The following ASIC2 variants were observed in gnomAD, a reference collection of about 807,000 sequenced individuals.
ASIC2 encodes the protein acid-sensing ion channel 2.
ASIC2 carries 25 observed loss-of-function variants against 57.3 expected under a neutral mutation model. The ratio of observed to expected loss-of-function variants is 0.44; its 90% confidence interval spans 0.32 to 0.61. The LOEUF is 0.61. Ranked by LOEUF, ASIC2 falls within the 20% of genes least tolerant of loss-of-function variation. The probability of loss-of-function intolerance (pLI) is 0.06; values close to 1 mark genes in which losing one functional copy is unlikely to be tolerated. For missense variants in ASIC2, 641 were observed against 738.1 expected (o/e 0.87, Z 1.52); for synonymous variants, 319 against 307.5 (o/e 1.04, Z -0.39).
chr17:33,081,497 G>A (rs12603906), intron 3 of ASIC2, among the ~76,000 whole-genome samples: 34,601 of 151,906 alleles, frequency 0.23, 4,363 homozygotes, highest in South Asian at 0.38. Context: ...CCATATTTAT[G>A]CGGCTCCATC....
chr17:33,714,481 G>GA (rs1017498385), intron 1 of ASIC2, among the ~76,000 whole-genome samples: 1 of 152,160 alleles, frequency 6.6e-6, no homozygotes, highest in Admixed American at 6.5e-5. Flanking sequence ...CATGCTGAGT[G>GA]AAAAAAAGCA....
intron 3 of ASIC2, among the ~76,000 whole-genome samples, chr17:33,073,700 A>G (rs995183537): frequency 3.3e-5 from 5 of 152,218 alleles, no homozygotes; most frequent in Admixed American, 3.3e-4. Flanking sequence ...TCATGGCAGG[A>G]GAAGATGTTT....
rs1299333860 is a variant in ASIC2, at chr17:33,157,260, T to C, written c.709-45193A>G. 2.6e-5 allele frequency among the ~76,000 whole-genome samples: 4 copies of C among 152,322 alleles called. No individual in the cohort carries two copies. In the East Asian group the frequency reaches 5.8e-4, roughly 22 times the overall value. ...CTGACAAAATGAAGGCCAAGAATGATGTCATAAAGGAAATGATGCTAAGTT... is the reference window on the plus strand; with the variant it reads ...CTGACAAAATGAAGGCCAAGAATGACGTCATAAAGGAAATGATGCTAAGTT... On this transcript the variant is annotated intron_variant, in intron 1 of 9. Transcript: ENST00000225823.
intron 1 of ASIC2, among the ~76,000 whole-genome samples, chr17:33,752,204 A>G (rs183901832): frequency 1.3e-5 from 2 of 152,200 alleles, no homozygotes; most frequent in African/African-American, 4.8e-5. Flanking sequence ...CGGCCCTTTC[A>G]AACAGAAATT....
At chr17:34,058,736 G>C (rs1394790235) in intron 1 of ASIC2, among the ~76,000 whole-genome samples, 1 of 152,174 alleles carries the variant, frequency 6.6e-6, no homozygotes, top group Non-Finnish European at 1.5e-5. Flanking sequence ...ACTTAAGATA[G>C]GAGGGGAGGG....
intron 1 of ASIC2, among the ~76,000 whole-genome samples, chr17:33,814,463 A>G (rs1401945418): frequency 6.6e-6 from 1 of 152,208 alleles, no homozygotes; most frequent in Non-Finnish European, 1.5e-5. Context: ...ATGCACCATT[A>G]CAAGCAGCCT....
intron 1 of ASIC2, among the ~76,000 whole-genome samples, chr17:33,706,365 A>T (rs557327686): frequency 3.5e-4 from 53 of 151,814 alleles, no homozygotes; most frequent in African/African-American, 1.3e-3. Flanking sequence ...GACTGCAGGT[A>T]TGTGCCACCA....
chr17:34,015,730 A>C (rs1906926223), intron 1 of ASIC2, among the ~76,000 whole-genome samples: 1 of 152,268 alleles, frequency 6.6e-6, no homozygotes, highest in African/African-American at 2.4e-5. Flanking sequence ...TTTTCTTAGC[A>C]TGTTTTAGGT....
intron 2 of ASIC2, among the ~76,000 whole-genome samples, chr17:33,108,190 G>A (rs545417684): frequency 9.2e-5 from 14 of 152,286 alleles, no homozygotes; most frequent in African/African-American, 3.4e-4. Flanking sequence ...GCTGGGATGG[G>A]GTCTTGGGTC....
rs539812609 is a variant in ASIC2 at position 33,414,335 on chromosome 17, C to T, written c.556-302268G>A. Among the ~76,000 whole-genome samples, 97 of 152,066 alleles carry T rather than the reference C, an allele frequency of 6.4e-4. No individual in the cohort carries two copies. In the Middle Eastern group the frequency reaches 0.017, roughly 27 times the overall value. On this transcript the variant is annotated intron_variant, in intron 1 of 9. Coordinates refer to the ASIC2 transcript ENST00000359872. ...AGTAGGTAGAAAAGAGAGGATGCAG[C>T]GATGGTCTGGGTGTGGTGGAACGAG... is the stretch of plus-strand genomic sequence containing the variant.
rs150924560 is a variant in ASIC2, at chr17:33,595,944, C to G, written c.556-483877G>C. ...TTCTGTTGCAAGCTAAATAGTTCCT[C>G]CCCCTCAGTAGAGTCTATGCTGTTT... is the stretch of plus-strand genomic sequence containing the variant. On this transcript the variant is annotated intron_variant, in intron 1 of 9. Transcript: ENST00000359872. 2.2e-4 allele frequency among the ~76,000 whole-genome samples: 34 copies of G among 152,288 alleles called. 1 individual carries two copies. In the East Asian group the frequency reaches 6.2e-3, roughly 28 times the overall value.
chr17:33,704,927 C>T (rs575053389), intron 1 of ASIC2, among the ~76,000 whole-genome samples: 90 of 152,290 alleles, frequency 5.9e-4, no homozygotes, highest in Non-Finnish European at 1.1e-3. Flanking sequence ...TAAAAGCACT[C>T]TTTGGTTTTG....
chr17:33,882,538 A>T (rs2141940927), intron 1 of ASIC2, among the ~76,000 whole-genome samples: 2 of 152,360 alleles, frequency 1.3e-5, no homozygotes, highest in South Asian at 4.1e-4. Flanking sequence ...CATCAGAGAA[A>T]TGCAAATCAA....
intron 1 of ASIC2, among the ~76,000 whole-genome samples, chr17:33,569,859 A>T (rs918976142): frequency 1.3e-5 from 2 of 152,230 alleles, no homozygotes; most frequent in African/African-American, 4.8e-5. Context: ...TGTTAGAAGC[A>T]AAGTTGCCTG....
intron 1 of ASIC2, among the ~76,000 whole-genome samples, chr17:33,435,704 C>A (rs1210933182): frequency 6.6e-6 from 1 of 152,128 alleles, no homozygotes; most frequent in Non-Finnish European, 1.5e-5. Context: ...AAAAAACAAA[C>A]CAGACTGAAT....
intron 1 of ASIC2, among the ~76,000 whole-genome samples, chr17:33,455,548 T>C (rs1912420079): frequency 6.6e-6 from 1 of 152,252 alleles, no homozygotes; most frequent in East Asian, 1.9e-4. Context: ...CTGCATAATA[T>C]TCCATGGTGA....
At chr17:34,034,114 A>G (rs1907753841) in intron 1 of ASIC2, among the ~76,000 whole-genome samples, 4 of 152,244 alleles carry the variant, frequency 2.6e-5, no homozygotes, top group African/African-American at 9.6e-5. Context: ...AATTCTCAAT[A>G]AAATACTGGC....
chr17:33,021,120 G>T (rs1016832157), intron 7 of ASIC2, 99 bp downstream of exon 7: 85 of 820,260 alleles, frequency 1.0e-4, no homozygotes, highest in Non-Finnish European at 1.5e-4. Context: ...CTCCTCCGAG[G>T]CTATGTGTCT....
chr17:33,189,437 G>A (rs771993449), intron 1 of ASIC2, among the ~76,000 whole-genome samples: 17 of 152,098 alleles, frequency 1.1e-4, no homozygotes, highest in Non-Finnish European at 2.2e-4. Context: ...GGGCCAAAAG[G>A]AAAACAAATG....
Sources: gnomAD v4.1 joint callset for allele counts (sites outside exome capture counted in the v4.1 genomes callset) on GRCh38, gnomAD v4.1.1 for gene constraint, MANE v1.5 for transcripts, NCBI Gene and HGNC (gene_info 2026-07-23, HGNC 2026-07-21) for gene names.